Variants in TEX2 observed in about 807,000 individuals in gnomAD.
The protein encoded by TEX2 is testis expressed 2.
In TEX2, 53 loss-of-function variants were observed where a neutral mutation model predicts 106.9. That is an observed-to-expected ratio of 0.50 (90% CI 0.40 to 0.62). The LOEUF (loss-of-function observed/expected upper bound fraction) is 0.62, where lower values mean the gene tolerates loss of function less well. TEX2 is among the 20% of genes least tolerant of loss of function. TEX2 has a pLI of 0.00. For synonymous variants in TEX2, 523 were observed against 534.8 expected, an observed-to-expected ratio of 0.98 and a Z score of 0.30; for missense variants, 1,207 against 1,379.0, an observed-to-expected ratio of 0.88 and a Z score of 1.98.
intron 1 of TEX2, among the ~76,000 whole-genome samples, chr17:64,224,725 T>C (rs1193537795): frequency 2.0e-5 from 3 of 152,022 alleles, no homozygotes; most frequent in African/African-American, 7.2e-5. Flanking sequence ...CATAGACCTT[T>C]TACCTGCCAT....
chr17:64,236,195 T>A (rs1376104991), intron 1 of TEX2, among the ~76,000 whole-genome samples: 90 of 152,174 alleles, frequency 5.9e-4, no homozygotes, highest in Non-Finnish European at 1.0e-4. Flanking sequence ...AAAATAAAAA[T>A]TTTAAAAACA....
intron 1 of TEX2, among the ~76,000 whole-genome samples, chr17:64,262,433 C>T (rs1332453561): frequency 6.6e-6 from 1 of 152,254 alleles, no homozygotes; most frequent in Non-Finnish European, 1.5e-5. Flanking sequence ...TGCACCAACT[C>T]CCATGGCAGC....
At chr17:64,207,728 GC>G (rs1320841609) in intron 2 of TEX2, among the ~76,000 whole-genome samples, 25 of 150,482 alleles carry the variant, frequency 1.7e-4, no homozygotes, top group African/African-American at 6.1e-4. Context: ...CTTAGTATTT[GC>G]CTTTTTTTTT....
intron 2 of TEX2, among the ~76,000 whole-genome samples, chr17:64,208,227 T>G (rs1598180053): frequency 7.7e-6 from 1 of 130,504 alleles, no homozygotes; most frequent in African/African-American, 2.6e-5. Flanking sequence ...TACTGTTTTG[T>G]TTTTGTTTTT....
At chr17:64,167,597 T>A (rs897642587) in intron 7 of TEX2, among the ~76,000 whole-genome samples, 7 of 152,050 alleles carry the variant, frequency 4.6e-5, no homozygotes, top group South Asian at 2.1e-4. Context: ...GGTGGGTGGA[T>A]CACCTGAGGT....
At chr17:64,242,931 A>AT (rs571362283) in intron 1 of TEX2, among the ~76,000 whole-genome samples, 2,825 of 142,764 alleles carry the variant, frequency 0.02, 33 homozygotes, top group Non-Finnish European at 0.023. Flanking sequence ...AAAAAAAAAA[A>AT]TTTTTTTTTT....
At chr17:64,216,437 G>T (rs2033188434) in intron 1 of TEX2, among the ~76,000 whole-genome samples, 1 of 152,034 alleles carries the variant, frequency 6.6e-6, no homozygotes, top group Non-Finnish European at 1.5e-5. Flanking sequence ...AGGCTCTGCT[G>T]TTCTGAGGCT....
intron 4 of TEX2, among the ~76,000 whole-genome samples, chr17:64,189,563 C>G (rs1479795719): frequency 6.6e-6 from 1 of 152,136 alleles, no homozygotes; most frequent in Admixed American, 6.5e-5. Flanking sequence ...TGCAAAGTGC[C>G]TCAAAAGCCA....
At chr17:64,168,984 G>A (rs1449440888) in intron 7 of TEX2, among the ~76,000 whole-genome samples, 1 of 149,946 alleles carries the variant, frequency 6.7e-6, no homozygotes, top group Non-Finnish European at 1.5e-5. Context: ...ACAGGCCAGG[G>A]TGATGCTAGG....
Position 64,205,034 on chromosome 17 carries a change from G to T in TEX2, c.1644+7540C>A, listed in dbSNP as rs2032785516. On this transcript the variant is annotated intron_variant, in intron 2 of 11. Coordinates refer to ENST00000584379, the MANE Select transcript of TEX2 (RefSeq NM_001288732.2). The surrounding 1 kb of genome is among the most constrained non-coding windows in gnomAD (Gnocchi z 4.0). ...TGAAAGTTCAAAAAAGTCATTTTGG[G>T]ACTACCTGACATCCTTAACCATATT... is the stretch of plus-strand genomic sequence containing the variant. Among the ~76,000 whole-genome samples, 1 of 152,104 alleles carries T rather than the reference G, an allele frequency of 6.6e-6. No individual in the cohort carries two copies. The highest frequency in any genetic ancestry group is 2.1e-4 in the South Asian group (1 of 4,824).
At chr17:64,199,227 T>C (rs2032577979) in intron 2 of TEX2, among the ~76,000 whole-genome samples, 1 of 152,092 alleles carries the variant, frequency 6.6e-6, no homozygotes, top group Non-Finnish European at 1.5e-5. Context: ...CATGAAAATA[T>C]GTAATTTTAT....
intron 1 of TEX2, among the ~76,000 whole-genome samples, chr17:64,256,561 T>TTTTC (rs1598235714): frequency 6.6e-6 from 1 of 152,026 alleles, no homozygotes; most frequent in African/African-American, 2.4e-5. Context: ...GGTTTCTTCC[T>TTTTC]TTTCTTTCTT....
intron 6 of TEX2, among the ~76,000 whole-genome samples, chr17:64,175,317 A>G (rs1440157390): frequency 1.3e-5 from 2 of 152,156 alleles, no homozygotes; most frequent in Admixed American, 6.5e-5. Flanking sequence ...AGGGAACACA[A>G]TGCCCACCTC....
chr17:64,216,199 G>C (rs951028826), intron 1 of TEX2, among the ~76,000 whole-genome samples: 1 of 152,130 alleles, frequency 6.6e-6, no homozygotes, highest in African/African-American at 2.4e-5. Flanking sequence ...CTCGGGTCCA[G>C]GACAATCCTT....
intron 1 of TEX2, among the ~76,000 whole-genome samples, chr17:64,235,846 A>G (rs2033755000): frequency 6.6e-6 from 1 of 152,206 alleles, no homozygotes; most frequent in East Asian, 1.9e-4. Context: ...CTATGGGAAT[A>G]TATTTCCATC....
At chr17:64,198,358 A>C (rs2032545079) in intron 2 of TEX2, among the ~76,000 whole-genome samples, 1 of 148,952 alleles carries the variant, frequency 6.7e-6, no homozygotes, top group Admixed American at 6.8e-5. Context: ...TAGATTAATA[A>C]AGAACTTGAA....
intron 5 of TEX2, among the ~76,000 whole-genome samples, chr17:64,180,022 C>T (rs1464529004): frequency 1.3e-5 from 2 of 152,156 alleles, no homozygotes; most frequent in African/African-American, 4.8e-5. Context: ...TCTGACTGAA[C>T]ATCTCCTTCC....
intron 1 of TEX2, among the ~76,000 whole-genome samples, chr17:64,228,049 C>A (rs1395523709): frequency 6.6e-6 from 1 of 152,056 alleles, no homozygotes; most frequent in Non-Finnish European, 1.5e-5. Context: ...TATAGATAAA[C>A]CTTTGACTAG....
chr17:64,168,135 G>A (rs191376442), intron 7 of TEX2, among the ~76,000 whole-genome samples: 21 of 152,260 alleles, frequency 1.4e-4, no homozygotes, highest in African/African-American at 3.6e-4. Context: ...GCATTTCCCT[G>A]GAAGGTGAGC....
Sources: gnomAD v4.1 joint callset for allele counts (sites outside exome capture counted in the v4.1 genomes callset) on GRCh38, gnomAD v4.1.1 for gene constraint, Gnocchi (gnomAD v3.1) non-coding constraint, MANE v1.5 for transcripts, NCBI Gene and HGNC (gene_info 2026-07-23, HGNC 2026-07-21) for gene names.